Variants in JAKMIP3 observed in about 807,000 individuals in gnomAD.
JAKMIP3 encodes janus kinase and microtubule-interacting protein 3.
A neutral mutation model predicts 118.5 loss-of-function variants in JAKMIP3; 58 were observed. The ratio of observed to expected loss-of-function variants is 0.49; its 90% CI spans 0.40 to 0.61. The LOEUF is 0.61. JAKMIP3 is among the 20% of genes least tolerant of loss of function. The probability of loss-of-function intolerance (pLI) is 0.00; values close to 1 mark genes in which losing one functional copy is unlikely to be tolerated. For missense variants in JAKMIP3, 950 were observed against 1,109.0 expected (o/e 0.86, Z 2.04); for synonymous variants, 486 against 451.2 (o/e 1.08, Z -0.98).
chr10:132,068,601 G>T (rs2039314843), intron 1 of JAKMIP3, among the ~76,000 whole-genome samples: 1 of 152,188 alleles, frequency 6.6e-6, no homozygotes, highest in South Asian at 2.1e-4. Flanking sequence ...TGCTTTGGGA[G>T]CCGGAGACTG....
chr10:132,131,880 G>C (rs2050701074), intron 3 of JAKMIP3, among the ~76,000 whole-genome samples: 1 of 152,140 alleles, frequency 6.6e-6, no homozygotes, highest in Non-Finnish European at 1.5e-5. Context: ...TGCAGGGTGG[G>C]GTGCGGCGCC....
intron 1 of JAKMIP3, among the ~76,000 whole-genome samples, chr10:132,042,184 C>CTTCCTTACTTCCT (rs1554909339): frequency 1.7e-4 from 22 of 132,096 alleles, no homozygotes; most frequent in African/African-American, 6.6e-4. Flanking sequence ...TGCTCGCTCG[C>CTTCCTTACTTCCT]TCCTTCCTTC....
intron 1 of JAKMIP3, among the ~76,000 whole-genome samples, chr10:132,091,052 G>T (rs548023519): frequency 5.3e-5 from 8 of 152,362 alleles, no homozygotes; most frequent in Admixed American, 2.6e-4. Flanking sequence ...TAGTCATTCA[G>T]GAGCGGGTTG....
In JAKMIP3 at chr10:132,127,783, T is replaced by A. The variant is rs118072441; in HGVS notation, c.634-5529T>A. On this transcript the variant is annotated intron_variant, in intron 3 of 23. Transcript: ENST00000684848. ...GGGATTATCTCCTTTTTTGTCAACA[T>A]TTAGTGTTATTCCATTAGTAGTTAC... Among the ~76,000 whole-genome samples the A allele has an allele frequency of 1.7e-3, 265 of 152,292 alleles. 1 individual carries two copies. The highest frequency in any genetic ancestry group is 2.9e-3 in the Non-Finnish European group (200 of 68,030).
rs115040184 is a variant in JAKMIP3, at chr10:132,138,660, T to A, written c.1344+482T>A. Among the ~76,000 whole-genome samples, 943 of 152,328 alleles carry A rather than the reference T, an allele frequency of 6.2e-3. 11 individuals carry two copies. The highest frequency in any genetic ancestry group is 0.021 in the African/African-American group (892 of 41,558). The stretch of plus-strand genomic sequence containing the variant: ...TTTCTTTCAAATTTCCAAGAGAAGA[T>A]AGGAATTGGTAACAACCATACCAGC... On this transcript the variant is annotated intron_variant, in intron 9 of 23. Coordinates refer to ENST00000684848, the MANE Select transcript of JAKMIP3 (RefSeq NM_001323087.2).
intron 2 of JAKMIP3, among the ~76,000 whole-genome samples, chr10:132,115,084 T>G (rs1438884296): frequency 6.6e-6 from 1 of 152,222 alleles, no homozygotes; most frequent in Admixed American, 6.5e-5. Context: ...CTGCTGTGGC[T>G]CCGATTCCAT....
chr10:132,058,070 G>C (rs920214875), intron 1 of JAKMIP3, among the ~76,000 whole-genome samples: 13 of 152,222 alleles, frequency 8.5e-5, no homozygotes, highest in Admixed American at 7.9e-4. Flanking sequence ...TAAGGGACTG[G>C]CTTGGTGTCC....
intron 1 of JAKMIP3, among the ~76,000 whole-genome samples, chr10:132,043,725 G>C (rs1470114521): frequency 1.3e-5 from 2 of 152,168 alleles, no homozygotes; most frequent in East Asian, 1.9e-4. Context: ...GGGCTGGGGG[G>C]AGCGGGGCCC....
chr10:132,132,692 G>C (rs2050866311), intron 3 of JAKMIP3, among the ~76,000 whole-genome samples: 1 of 152,224 alleles, frequency 6.6e-6, no homozygotes, highest in African/African-American at 2.4e-5. Context: ...GAAGACAGCT[G>C]TGCGGGGCCC....
chr10:132,042,416 C>A (rs1460865906), intron 1 of JAKMIP3, among the ~76,000 whole-genome samples: 1 of 152,138 alleles, frequency 6.6e-6, no homozygotes, highest in African/African-American at 2.4e-5. Context: ...CTCTCTTGTC[C>A]ATGCTGGTCT....
At chr10:132,148,908 C>T (rs575770429) in intron 14 of JAKMIP3, among the ~76,000 whole-genome samples, 30 of 152,334 alleles carry the variant, frequency 2.0e-4, no homozygotes, top group African/African-American at 6.0e-4. Flanking sequence ...CAGCTGGAGC[C>T]GCCTCTTAAG....
intron 23 of JAKMIP3, among the ~76,000 whole-genome samples, chr10:132,169,625 G>A (rs1216876014): frequency 1.3e-5 from 2 of 152,204 alleles, no homozygotes; most frequent in Non-Finnish European, 2.9e-5. Context: ...TGGGGAGGCA[G>A]TGGCAGCCCC....
chr10:132,176,329 C>G (rs1159351477), intron 23 of JAKMIP3, among the ~76,000 whole-genome samples: 1 of 152,224 alleles, frequency 6.6e-6, no homozygotes, highest in Non-Finnish European at 1.5e-5. Flanking sequence ...CTGCTGGCAG[C>G]TCCTGCCTGG....
rs1457014165 is a variant in JAKMIP3, at chr10:132,044,043, C to T, written c.-138+7305C>T. Among the ~76,000 whole-genome samples the T allele has an allele frequency of 6.6e-6, 1 of 152,238 alleles. No homozygotes were observed. The highest frequency in any genetic ancestry group is 2.4e-5 in the African/African-American group (1 of 41,466). ...TGCACAGACCTCGGGGTTCAGTAGGCTCTCAGGCAGTTCAGATACCGTGTG... is the reference window on the plus strand; with the variant it reads ...TGCACAGACCTCGGGGTTCAGTAGGTTCTCAGGCAGTTCAGATACCGTGTG... On this transcript the variant is annotated intron_variant, in intron 1 of 23. Coordinates refer to the JAKMIP3 transcript ENST00000657785. This position sits in a 1 kb window ranked among gnomAD's most constrained non-coding sequence, Gnocchi z 5.3.
rs12261827 is a variant in JAKMIP3, at chr10:132,036,887, C to T, written c.-138+149C>T. 5.3e-3 allele frequency among the ~76,000 whole-genome samples: 800 copies of T among 152,128 alleles called. 9 individuals are homozygous for T. The highest frequency in any genetic ancestry group is 0.018 in the African/African-American group (753 of 41,546). The stretch of plus-strand genomic sequence containing the variant: ...GAGGGGGTCCCGCGGCAGAGACGCC[C>T]CTGTCTGGGGCGGGGTCCTCCTTGC... On this transcript the variant is annotated intron_variant, in intron 1 of 23. Transcript: ENST00000657785.
At chr10:132,074,184 TA>T (rs2040422637) in intron 1 of JAKMIP3, among the ~76,000 whole-genome samples, 1 of 152,186 alleles carries the variant, frequency 6.6e-6, no homozygotes, top group African/African-American at 2.4e-5. Context: ...CCTGAATAGC[TA>T]GGATTACAGG....
chr10:132,062,856 G>A (rs1213915638), upstream of JAKMIP3, among the ~76,000 whole-genome samples: 1 of 152,178 alleles, frequency 6.6e-6, no homozygotes, highest in Non-Finnish European at 1.5e-5. Flanking sequence ...GGGCCTGGAA[G>A]GCGCAGGCCT....
At chr10:132,139,241 T>TGG (rs2052696254) in intron 9 of JAKMIP3, among the ~76,000 whole-genome samples, 1 of 114,804 alleles carries the variant, frequency 8.7e-6, no homozygotes, top group Non-Finnish European at 1.8e-5. Flanking sequence ...TATATGCATC[T>TGG]GTGTGTGTAT....
intron 11 of JAKMIP3, chr10:132,144,837 G>T: frequency 2.6e-6 from 1 of 385,940 alleles, no homozygotes; most frequent in Non-Finnish European, 4.8e-6. Flanking sequence ...GGTGAGGTGG[G>T]AGGATCACTT....
Sources: allele counts gnomAD v4.1 joint callset (sites outside exome capture counted in the v4.1 genomes callset), GRCh38; gene constraint gnomAD v4.1.1; non-coding constraint Gnocchi (gnomAD v3.1); transcripts MANE v1.5; gene names NCBI Gene and HGNC (gene_info 2026-07-23, HGNC 2026-07-21).